CTNNA3: variants seen among roughly 807,000 people sequenced by gnomAD.
The protein encoded by CTNNA3 is catenin alpha-3.
Under a neutral mutation model 95.7 loss-of-function variants are expected in CTNNA3, and 76 were observed. That is an observed-to-expected ratio of 0.79 (90% CI 0.66 to 0.96). The LOEUF (loss-of-function observed/expected upper bound fraction) is 0.96. Among genes scored for constraint, CTNNA3 ranks in the 40% least tolerant of loss-of-function variants. CTNNA3 has a pLI of 0.00. For missense variants in CTNNA3, 1,191 were observed against 1,089.8 expected, an observed-to-expected ratio of 1.09 and a Z score of -1.31; for synonymous variants, 431 against 374.4, an observed-to-expected ratio of 1.15 and a Z score of -1.74.
intron 15 of CTNNA3, among the ~76,000 whole-genome samples, chr10:66,003,476 T>C (rs1426840245): frequency 1.3e-5 from 2 of 152,106 alleles, no homozygotes; most frequent in Non-Finnish European, 2.9e-5. Context: ...GTTAGTGTTG[T>C]AACAAATCCT....
At chr10:67,034,068 G>A (rs1409688363) in intron 7 of CTNNA3, among the ~76,000 whole-genome samples, 1 of 152,124 alleles carries the variant, frequency 6.6e-6, no homozygotes, top group African/African-American at 2.4e-5. Flanking sequence ...CACCGCGCCC[G>A]GCCTATACTG....
rs187652840 is a variant in CTNNA3 at position 66,762,844 on chromosome 10, G to T, written c.1281+3420C>A. Among the ~76,000 whole-genome samples the T allele has an allele frequency of 3.4e-3, 511 of 152,084 alleles. 6 individuals are homozygous for T. The highest frequency in any genetic ancestry group is 0.011 in the African/African-American group (464 of 41,474). ...GTGTGGAGGTTTTCTTCAAAGACTT[G>T]ATAGAAATCTTTAAATATGGGCTTT... is the stretch of plus-strand genomic sequence containing the variant. On this transcript the variant is annotated intron_variant, in intron 9 of 17. Transcript: ENST00000433211.
chr10:67,590,237 A>C (rs762859150), intron 3 of CTNNA3, among the ~76,000 whole-genome samples: 1 of 152,116 alleles, frequency 6.6e-6, no homozygotes, highest in East Asian at 1.9e-4. Flanking sequence ...AGGCTTTACT[A>C]TCCTAGGGGA....
At chr10:67,497,404 T>C (rs920689925) in intron 5 of CTNNA3, among the ~76,000 whole-genome samples, 4 of 152,212 alleles carry the variant, frequency 2.6e-5, no homozygotes, top group African/African-American at 9.6e-5. Flanking sequence ...TGTGTGCATG[T>C]GTCTTTATAG....
intron 5 of CTNNA3, among the ~76,000 whole-genome samples, chr10:67,379,849 G>A (rs573172735): frequency 4.6e-5 from 7 of 151,658 alleles, no homozygotes; most frequent in Non-Finnish European, 7.4e-5. Context: ...GTGAAACCCC[G>A]TCTCTACTAA....
At chr10:67,514,870 C>A in intron 5 of CTNNA3, among the ~76,000 whole-genome samples, 1 of 152,068 alleles carries the variant, frequency 6.6e-6, no homozygotes, top group East Asian at 1.9e-4. Context: ...TAGCAAACAA[C>A]CTTGTAAAAA....
At chr10:66,994,018 T>C (rs575032354) in intron 7 of CTNNA3, among the ~76,000 whole-genome samples, 1 of 152,276 alleles carries the variant, frequency 6.6e-6, no homozygotes, top group Non-Finnish European at 1.5e-5. Context: ...ACAGACTGAA[T>C]AAAAACTGAA....
chr10:66,809,449 T>C (rs779409745), intron 7 of CTNNA3, among the ~76,000 whole-genome samples: 12 of 152,222 alleles, frequency 7.9e-5, no homozygotes, highest in Non-Finnish European at 1.6e-4. Flanking sequence ...CTTTTTACTT[T>C]AACGTATTTT....
At chr10:66,951,054 C>T (rs1164842891) in intron 7 of CTNNA3, among the ~76,000 whole-genome samples, 3 of 151,472 alleles carry the variant, frequency 2.0e-5, no homozygotes, top group African/African-American at 7.3e-5. Flanking sequence ...GTATTTATCA[C>T]AAGGCTATTG....
intron 7 of CTNNA3, among the ~76,000 whole-genome samples, chr10:67,075,265 A>C (rs923340874): frequency 6.6e-6 from 1 of 151,944 alleles, no homozygotes; most frequent in Non-Finnish European, 1.5e-5. Context: ...TCTTAAATTA[A>C]AAAAAAATCA....
intron 6 of CTNNA3, among the ~76,000 whole-genome samples, chr10:67,182,208 A>T (rs1862588083): frequency 6.6e-6 from 1 of 152,162 alleles, no homozygotes; most frequent in South Asian, 2.1e-4. Context: ...TTCATATGGA[A>T]CCAAAAAAGA....
chr10:66,929,955 T>C (rs1054177664), intron 7 of CTNNA3, among the ~76,000 whole-genome samples: 2 of 152,182 alleles, frequency 1.3e-5, no homozygotes, highest in Non-Finnish European at 2.9e-5. Flanking sequence ...GCTGTTTCAT[T>C]TAATTTGGCT....
chr10:67,663,115 T>G (rs576786735), intron 1 of CTNNA3, among the ~76,000 whole-genome samples: 1 of 152,272 alleles, frequency 6.6e-6, no homozygotes, highest in East Asian at 1.9e-4. Context: ...CTACCTAACT[T>G]CTTAATAGTA....
At chr10:66,159,245 A>G (rs2084712006) in intron 13 of CTNNA3, among the ~76,000 whole-genome samples, 1 of 152,028 alleles carries the variant, frequency 6.6e-6, no homozygotes, top group South Asian at 2.1e-4. Context: ...CAGGTCTCAG[A>G]GGGAATTCTT....
At chr10:66,172,291 C>G (rs2085471449) in intron 13 of CTNNA3, among the ~76,000 whole-genome samples, 1 of 152,024 alleles carries the variant, frequency 6.6e-6, no homozygotes, top group South Asian at 2.1e-4. Context: ...ATGTAATGAT[C>G]TTTTCATTAG....
intron 7 of CTNNA3, among the ~76,000 whole-genome samples, chr10:67,064,794 C>T (rs1855968289): frequency 6.6e-6 from 1 of 151,870 alleles, no homozygotes; most frequent in Non-Finnish European, 1.5e-5. Flanking sequence ...CTCACTTTTA[C>T]TTCACATACA....
At chr10:66,275,180 T>C (rs1235238176) in intron 13 of CTNNA3, among the ~76,000 whole-genome samples, 3 of 152,128 alleles carry the variant, frequency 2.0e-5, no homozygotes, top group Non-Finnish European at 4.4e-5. Context: ...TGCAATGGCA[T>C]GATCTCAGCT....
At chr10:67,754,864 C>T (rs1271125669) in intron 1 of CTNNA3, among the ~76,000 whole-genome samples, 1 of 151,966 alleles carries the variant, frequency 6.6e-6, no homozygotes, top group Non-Finnish European at 1.5e-5. Flanking sequence ...ATAATCTGAT[C>T]AGAAAATGGG....
chr10:66,639,859 A>G (rs1003436635), intron 9 of CTNNA3, among the ~76,000 whole-genome samples: 1 of 152,134 alleles, frequency 6.6e-6, no homozygotes, highest in African/African-American at 2.4e-5. Flanking sequence ...TACTTCATAT[A>G]TGTCACTTTT....
Sources: gnomAD v4.1 joint callset for allele counts (sites outside exome capture counted in the v4.1 genomes callset) on GRCh38, gnomAD v4.1.1 for gene constraint, MANE v1.5 for transcripts, NCBI Gene and HGNC (gene_info 2026-07-23, HGNC 2026-07-21) for gene names.